The following PRELID2 variants were observed in gnomAD, a reference collection of about 807,000 sequenced individuals.
PRELID2 encodes the protein PRELI domain containing 2.
PRELID2 carries 25 observed loss-of-function variants against 28.4 expected under a neutral mutation model. That is an observed-to-expected ratio of 0.88 (90% CI 0.64 to 1.23). PRELID2 has a LOEUF of 1.23. PRELID2 is among the 50% of genes most tolerant of loss of function. The pLI, the probability that PRELID2 is intolerant of heterozygous loss-of-function variation, is 0.00. For synonymous variants in PRELID2, 76 were observed against 71.6 expected, an observed-to-expected ratio of 1.06 and a Z score of -0.31; for missense variants, 201 against 214.4, an observed-to-expected ratio of 0.94 and a Z score of 0.39.
the PRELID2 span, among the ~76,000 whole-genome samples, chr5:145,413,022 C>T: frequency 2.6e-5 from 4 of 152,136 alleles, no homozygotes; most frequent in Admixed American, 2.6e-4. Flanking sequence ...CCCCTTGACA[C>T]ATTGGGATTA....
chr5:145,652,713 G>C (rs58004021), intron 1 of PRELID2, among the ~76,000 whole-genome samples: 5,635 of 151,852 alleles, frequency 0.037, 322 homozygotes, highest in African/African-American at 0.12. Flanking sequence ...GAGATTTTGT[G>C]ACCACCAGGC....
chr5:145,823,501 C>A (rs1389446458), intron 1 of PRELID2, among the ~76,000 whole-genome samples: 2 of 152,208 alleles, frequency 1.3e-5, no homozygotes, highest in African/African-American at 4.8e-5. Context: ...TTGTCTAAAT[C>A]CAACAGCCTC....
rs78598593 is a variant in PRELID2 at position 145,734,389 on chromosome 5, C to A, written n.70+30542G>T. On this transcript the variant is annotated intron_variant and non_coding_transcript_variant, in intron 1 of 2. Coordinates refer to the PRELID2 transcript ENST00000510259. The stretch of plus-strand genomic sequence containing the variant: ...CTAAGTTTGTGGTGCTTTGTTAAAG[C>A]AGCAACAGAAAACTAGTGCACCAGT... 5.8e-4 allele frequency among the ~76,000 whole-genome samples: 88 copies of A among 152,264 alleles called. No individual in the cohort carries two copies. The East Asian group carries it at 0.016, about 27-fold the overall frequency.
the PRELID2 span, chr5:145,229,255 G>T: frequency 2.6e-6 from 2 of 764,402 alleles, no homozygotes. Context: ...CTCCCTGGAG[G>T]ATGCCCGAGT....
At chr5:145,693,301 C>T (rs760355242) in intron 1 of PRELID2, among the ~76,000 whole-genome samples, 2 of 151,850 alleles carry the variant, frequency 1.3e-5, no homozygotes, top group African/African-American at 4.8e-5. Context: ...ATGTATGCCA[C>T]GACACCCAGT....
chr5:145,480,993 T>C (rs1018016342), intron 1 of PRELID2, among the ~76,000 whole-genome samples: 4 of 152,226 alleles, frequency 2.6e-5, no homozygotes, highest in Admixed American at 2.6e-4. Context: ...GGGATGTAAC[T>C]AGACCTCTTA....
At chr5:145,281,967 TGAA>T in the PRELID2 span, among the ~76,000 whole-genome samples, 1 of 152,172 alleles carries the variant, frequency 6.6e-6, no homozygotes, top group Non-Finnish European at 1.5e-5. Flanking sequence ...AGATTCGTAA[TGAA>T]GATTAGACAT....
At chr5:145,397,919 A>C in the PRELID2 span, among the ~76,000 whole-genome samples, 1 of 152,154 alleles carries the variant, frequency 6.6e-6, no homozygotes, top group Admixed American at 6.6e-5. Flanking sequence ...AGGATACATC[A>C]TGCCTGATCC....
At chr5:145,434,258 C>A in the PRELID2 span, among the ~76,000 whole-genome samples, 1 of 152,158 alleles carries the variant, frequency 6.6e-6, no homozygotes, top group South Asian at 2.1e-4. Flanking sequence ...GCACACACTG[C>A]TACTAAATCA....
chr5:145,691,752 C>G (rs933064695), intron 1 of PRELID2, among the ~76,000 whole-genome samples: 1 of 152,030 alleles, frequency 6.6e-6, no homozygotes, highest in African/African-American at 2.4e-5. Context: ...TGGGTTTTCA[C>G]AGAGTCCAAA....
At position 145,492,591 on chromosome 5, in the gene PRELID2, C is replaced by T. The variant is rs893153356; in HGVS notation, n.71-19276G>A. Among the ~76,000 whole-genome samples the T allele has an allele frequency of 3.3e-4, 46 of 141,176 alleles. 4 individuals are homozygous for T. The highest frequency in any genetic ancestry group is 1.1e-3 in the African/African-American group (44 of 40,054). 92.6% of individuals were successfully genotyped at this position (141,176 alleles called of 152,430 possible). On this transcript the variant is annotated intron_variant and non_coding_transcript_variant, in intron 1 of 2. Transcript: ENST00000510259. ...TGAGGTTATATCCAAAAATTCATTG[C>T]CTAGGTCAATGTCATAGAGCTTTTT... is the stretch of plus-strand genomic sequence containing the variant.
intron 1 of PRELID2, among the ~76,000 whole-genome samples, chr5:145,586,836 T>C (rs1191281530): frequency 1.3e-5 from 2 of 152,296 alleles, no homozygotes; most frequent in South Asian, 2.1e-4. Context: ...AATATATAGA[T>C]GGTTATAAAG....
intron 1 of PRELID2, among the ~76,000 whole-genome samples, chr5:145,480,049 C>T (rs934564453): frequency 9.2e-5 from 14 of 152,192 alleles, no homozygotes; most frequent in African/African-American, 3.4e-4. Flanking sequence ...ATGTTAATGA[C>T]TCAAGCATTA....
At chr5:145,459,012 C>A in the PRELID2 span, among the ~76,000 whole-genome samples, 1 of 152,086 alleles carries the variant, frequency 6.6e-6, no homozygotes, top group African/African-American at 2.4e-5. Flanking sequence ...CTATGAAACT[C>A]CTTGGGGAAT....
the PRELID2 span, among the ~76,000 whole-genome samples, chr5:145,249,937 GTCTC>G: frequency 0.019 from 2,616 of 138,634 alleles, 28 homozygotes; most frequent in Middle Eastern, 0.036. Context: ...CTCTCTCTCT[GTCTC>G]TCTCTCTCTC....
At chr5:145,705,602 A>T (rs1262820449) in intron 1 of PRELID2, among the ~76,000 whole-genome samples, 1 of 152,228 alleles carries the variant, frequency 6.6e-6, no homozygotes, top group African/African-American at 2.4e-5. Flanking sequence ...AGGCTACCAA[A>T]ATAGAAATTG....
At chr5:145,379,391 AAG>A in the PRELID2 span, among the ~76,000 whole-genome samples, 1 of 152,124 alleles carries the variant, frequency 6.6e-6, no homozygotes, top group African/African-American at 2.4e-5. Flanking sequence ...CAGCTGGAAT[AAG>A]GGGTGAGGGG....
chr5:145,780,578 G>A (rs7737990), intron 5 of PRELID2, among the ~76,000 whole-genome samples: 10,232 of 152,160 alleles, frequency 0.067, 790 homozygotes, highest in African/African-American at 0.19. Context: ...CATGCAGGTA[G>A]TACCTATTTA....
the PRELID2 span, among the ~76,000 whole-genome samples, chr5:145,391,154 G>T: frequency 4.6e-5 from 7 of 152,284 alleles, no homozygotes; most frequent in South Asian, 4.1e-4. Flanking sequence ...CCATTCTGCG[G>T]TCTGGAGGAT....
Sources: allele counts gnomAD v4.1 joint callset (sites outside exome capture counted in the v4.1 genomes callset), GRCh38; gene constraint gnomAD v4.1.1; transcripts MANE v1.5; gene names NCBI Gene and HGNC (gene_info 2026-07-23, HGNC 2026-07-21).